Variants in SNTG2 observed in about 807,000 individuals in gnomAD.
SNTG2 encodes the protein gamma-2-syntrophin.
SNTG2 carries 74 observed loss-of-function variants against 70.9 expected under a neutral mutation model. The observed-to-expected ratio is 1.04, with a 90% CI of 0.86 to 1.27. The LOEUF is 1.27. SNTG2 is among the 50% of genes most tolerant of loss of function. The probability of loss-of-function intolerance (pLI) is 0.00; values close to 1 mark genes in which losing one functional copy is unlikely to be tolerated. For synonymous variants in SNTG2, 278 were observed against 273.8 expected (o/e 1.02, Z -0.15); for missense variants, 717 against 690.7 (o/e 1.04, Z -0.43).
At chr2:1,355,365 C>T (rs1459862521) in intron 16 of SNTG2, among the ~76,000 whole-genome samples, 1 of 152,194 alleles carries the variant, frequency 6.6e-6, no homozygotes, top group African/African-American at 2.4e-5. Flanking sequence ...CCAGCTCCTG[C>T]CCCTGGCAGC....
chr2:1,061,205 G>A (rs1425439644), intron 1 of SNTG2, among the ~76,000 whole-genome samples: 1 of 152,004 alleles, frequency 6.6e-6, no homozygotes, highest in Non-Finnish European at 1.5e-5. Flanking sequence ...AATGACAAAA[G>A]GTGAACAGGT....
At chr2:1,289,794 T>C (rs1028654560) in intron 14 of SNTG2, among the ~76,000 whole-genome samples, 1 of 152,204 alleles carries the variant, frequency 6.6e-6, no homozygotes, top group Non-Finnish European at 1.5e-5. Context: ...CAGCTCCCCG[T>C]GCTCCAACCC....
intron 4 of SNTG2, among the ~76,000 whole-genome samples, chr2:1,120,622 A>C (rs571913526): frequency 1.9e-4 from 29 of 152,320 alleles, no homozygotes; most frequent in Non-Finnish European, 2.8e-4. Context: ...ACATCTGATA[A>C]AACAGACTTT....
intron 4 of SNTG2, among the ~76,000 whole-genome samples, chr2:1,122,433 G>A (rs1157411508): frequency 6.6e-6 from 1 of 152,076 alleles, no homozygotes; most frequent in Admixed American, 6.5e-5. Context: ...TTCATCCATG[G>A]CATGTGAGGC....
intron 6 of SNTG2, among the ~76,000 whole-genome samples, chr2:1,147,846 C>T (rs919335290): frequency 1.3e-5 from 2 of 152,304 alleles, no homozygotes; most frequent in Admixed American, 1.3e-4. Context: ...ATTATCTTCA[C>T]AAATATTATT....
intron 16 of SNTG2, among the ~76,000 whole-genome samples, chr2:1,323,665 C>T (rs1681633561): frequency 6.7e-6 from 1 of 148,596 alleles, no homozygotes; most frequent in African/African-American, 2.5e-5. Context: ...ACAAGACTAA[C>T]AGTCACATGG....
intron 8 of SNTG2, among the ~76,000 whole-genome samples, chr2:1,199,485 A>G (rs1673147815): frequency 6.6e-6 from 1 of 152,028 alleles, no homozygotes; most frequent in South Asian, 2.1e-4. Flanking sequence ...CACTTTTATC[A>G]CTCCTATTCA....
chr2:1,321,558 C>G (rs150433894), intron 16 of SNTG2, among the ~76,000 whole-genome samples: 3 of 152,062 alleles, frequency 2.0e-5, no homozygotes, highest in Non-Finnish European at 2.9e-5. Flanking sequence ...GAGCACCGAT[C>G]GATGCCCACA....
At position 1,367,496 on chromosome 2, in the gene SNTG2, G is replaced by A. The variant is rs1381763243; in HGVS notation, c.*22G>A. ...CTAAAGGTTGTTTCTGTTGAGTGCT[G>A]AAAAATTAAATTATTTTCGTAAGAA... On this transcript the variant is annotated 3_prime_UTR_variant, in exon 17 of 17. Coordinates refer to ENST00000308624, the MANE Select transcript of SNTG2 (RefSeq NM_018968.4). 19 of 1,540,034 alleles carry A rather than the reference G, an allele frequency of 1.2e-5. No individual in the cohort carries two copies. Among genetic ancestry groups the A allele is most frequent in the Admixed American group, 4.2e-5 (2 of 47,680 alleles).
chr2:1,272,714 ACACCCCAGGGAGCGGG>A (rs1679098328), intron 14 of SNTG2, among the ~76,000 whole-genome samples: 2 of 117,846 alleles, frequency 1.7e-5, no homozygotes, highest in African/African-American at 7.2e-5. Flanking sequence ...TGCAGAAAGG[ACACCCCAGGGAGCGGG>A]TGCAGAAAGG....
intron 1 of SNTG2, among the ~76,000 whole-genome samples, chr2:997,861 A>C (rs1339497792): frequency 6.6e-6 from 1 of 152,146 alleles, no homozygotes; most frequent in Non-Finnish European, 1.5e-5. Context: ...TGAATCACCT[A>C]CTAGCCTAGA....
intron 2 of SNTG2, among the ~76,000 whole-genome samples, chr2:1,084,643 T>C (rs939940315): frequency 6.6e-6 from 1 of 152,206 alleles, no homozygotes; most frequent in African/African-American, 2.4e-5. Flanking sequence ...TTTGAGTTGC[T>C]GTAACAAAAT....
intron 11 of SNTG2, among the ~76,000 whole-genome samples, chr2:1,241,117 T>C (rs1677018538): frequency 6.6e-6 from 1 of 152,210 alleles, no homozygotes. Flanking sequence ...CACGCAAAAT[T>C]AGCAAAATGT....
intron 9 of SNTG2, among the ~76,000 whole-genome samples, chr2:1,215,246 C>T (rs2148008125): frequency 6.6e-6 from 1 of 152,230 alleles, no homozygotes; most frequent in South Asian, 2.1e-4. Context: ...ATGCTGGCCT[C>T]ATAAAGGTGA....
At chr2:1,360,425 G>A (rs560180787) in intron 16 of SNTG2, among the ~76,000 whole-genome samples, 2 of 152,270 alleles carry the variant, frequency 1.3e-5, no homozygotes, top group African/African-American at 4.8e-5. Context: ...GCTCTCTCTG[G>A]GGTGTGTTCC....
intron 13 of SNTG2, among the ~76,000 whole-genome samples, chr2:1,266,193 CAGACAG>C (rs1021459881): frequency 9.3e-5 from 14 of 151,340 alleles, no homozygotes; most frequent in African/African-American, 2.7e-4. Context: ...GAGAGAGAGA[CAGACAG>C]AGACAGAGAG....
At chr2:1,032,404 G>A (rs1302818855) in intron 1 of SNTG2, among the ~76,000 whole-genome samples, 1 of 152,064 alleles carries the variant, frequency 6.6e-6, no homozygotes, top group Non-Finnish European at 1.5e-5. Flanking sequence ...TCAGGAATCT[G>A]TAGCAAATCT....
At chr2:1,242,268 T>C (rs1488769283) in intron 11 of SNTG2, among the ~76,000 whole-genome samples, 1 of 152,236 alleles carries the variant, frequency 6.6e-6, no homozygotes, top group African/African-American at 2.4e-5. Flanking sequence ...CAATTCATTC[T>C]TGATTTTGGT....
At chr2:1,166,915 C>A (rs1013231617) in intron 7 of SNTG2, among the ~76,000 whole-genome samples, 1 of 152,078 alleles carries the variant, frequency 6.6e-6, no homozygotes, top group Admixed American at 6.5e-5. Context: ...GGTGGTTGGA[C>A]GAGACTCCAG....
Sources: gnomAD v4.1 joint callset for allele counts (sites outside exome capture counted in the v4.1 genomes callset) on GRCh38, gnomAD v4.1.1 for gene constraint, MANE v1.5 for transcripts, NCBI Gene and HGNC (gene_info 2026-07-23, HGNC 2026-07-21) for gene names.